GALNT15: variants seen among roughly 807,000 people sequenced by gnomAD.
GALNT15 encodes polypeptide N-acetylgalactosaminyltransferase 15.
GALNT15 carries 67 observed loss-of-function variants against 66.8 expected under a neutral mutation model. The observed-to-expected ratio is 1.00, with a 90% CI of 0.82 to 1.23. The LOEUF (loss-of-function observed/expected upper bound fraction) is 1.23. Among genes scored for constraint, GALNT15 ranks in the 50% most tolerant of loss-of-function variants. The pLI, the probability that GALNT15 is intolerant of heterozygous loss-of-function variation, is 0.00. For synonymous variants in GALNT15, 313 were observed against 311.5 expected, an observed-to-expected ratio of 1.00 and a Z score of -0.05; for missense variants, 827 against 804.3, an observed-to-expected ratio of 1.03 and a Z score of -0.34.
chr3:16,187,866 T>G lies in GALNT15; in HGVS notation c.540-7894T>G, dbSNP rs896902412. ...ATGAAGTGGTGGCTATGATAAATAT[T>G]AATAAGACACCTGCATCACAGGTGC... On this transcript the variant is annotated intron_variant, in intron 1 of 9. Coordinates refer to ENST00000339732, the MANE Select transcript of GALNT15 (RefSeq NM_054110.5). This position sits in a 1 kb window ranked among gnomAD's most constrained non-coding sequence, Gnocchi z 5.1. 6.6e-6 allele frequency among the ~76,000 whole-genome samples: 1 copy of G among 152,162 alleles called. No homozygotes were observed. The highest frequency in any genetic ancestry group is 1.5e-5 in the Non-Finnish European group (1 of 68,024).
Position 16,183,945 on chromosome 3 carries a change from C to A in GALNT15, c.539+8255C>A, listed in dbSNP as rs140034348. Among the ~76,000 whole-genome samples, 97 of 152,286 alleles carry A rather than the reference C, an allele frequency of 6.4e-4. 1 individual carries two copies. The East Asian group carries it at 0.016, about 25-fold the overall frequency. ...GCATCTGTATGTAAACACAAGACAC[C>A]AGACTCCTCTGATCTTGGAGTGTGA... is the stretch of plus-strand genomic sequence containing the variant. On this transcript the variant is annotated intron_variant, in intron 1 of 9. Coordinates refer to ENST00000339732, the MANE Select transcript of GALNT15 (RefSeq NM_054110.5). The surrounding 1 kb of genome is among the most constrained non-coding windows in gnomAD (Gnocchi z 5.2).
At position 16,224,628 on chromosome 3, in the gene GALNT15, T is replaced by G. The variant is rs2063985367; in HGVS notation, c.1773+1870T>G. 8.2e-6 allele frequency among the ~76,000 whole-genome samples: 1 copy of G among 121,580 alleles called. No homozygotes were observed. Among genetic ancestry groups the G allele is most frequent in the African/African-American group, 3.5e-5 (1 of 28,638 alleles). 79.8% of individuals were successfully genotyped at this position (121,580 alleles called of 152,430 possible). On this transcript the variant is annotated intron_variant, in intron 9 of 9. Transcript: ENST00000339732. The surrounding 1 kb of genome is among the most constrained non-coding windows in gnomAD (Gnocchi z 5.2). ...TATATTTAACACTATTGTAGTAGGC[T>G]ATTCTTTTTTTTTTTTTTTTTTTTA... is the stretch of plus-strand genomic sequence containing the variant.
intron 6 of GALNT15, among the ~76,000 whole-genome samples, chr3:16,215,916 A>AAAACAAAAAAAAAAAAAAAAAAAC (rs1553687146): frequency 7.0e-5 from 10 of 143,518 alleles, no homozygotes; most frequent in East Asian, 4.3e-4. Context: ...CAAAAAAAAA[A>AAAACAAAAAAAAAAAAAAAAAAAC]AAAAAAAAAG....
chr3:16,219,400 C>A lies in GALNT15; in HGVS notation c.1393-3C>A. 6.2e-7 allele frequency: 1 copy of A among 1,613,820 alleles called. No homozygotes were observed. ...ATCCTGCTTGTGTCTTTCTCCTCCC[C>A]AGGCTGAGAAGCCAGACTGCATGGA... is the stretch of plus-strand genomic sequence containing the variant. On this transcript the variant is annotated splice_region_variant and splice_polypyrimidine_tract_variant and intron_variant, in intron 6 of 9. Coordinates refer to ENST00000339732, the MANE Select transcript of GALNT15 (RefSeq NM_054110.5). The surrounding 1 kb of genome is among the most constrained non-coding windows in gnomAD (Gnocchi z 4.3).
chr3:16,247,467 A>G, the GALNT15 span, among the ~76,000 whole-genome samples: 20 of 152,332 alleles, frequency 1.3e-4, 1 homozygote, highest in East Asian at 3.7e-3. Flanking sequence ...CCGCAGCCCT[A>G]ATTGGTTAGC....
chr3:16,200,781 C>A lies in GALNT15; in HGVS notation c.869C>A (p.Pro290Gln), dbSNP rs1368967082. ...VFMDAHCECHPGWLEPLLSRI... is the reference protein window; with the variant it reads ...VFMDAHCECHQGWLEPLLSRI... ...ATGGATGCCCACTGCGAGTGCCACC[C>A]AGGCTGGCTGGAGCCCCTCCTCAGC... Residue 290 changes from proline (P) to glutamine (Q), a missense_variant, in exon 3 of 10, where the codon CCA becomes CAA. Coordinates refer to ENST00000339732, the MANE Select transcript of GALNT15 (RefSeq NM_054110.5). The surrounding 1 kb of genome is among the most constrained non-coding windows in gnomAD (Gnocchi z 4.4). 2 of 1,611,238 alleles carry A rather than the reference C, an allele frequency of 1.2e-6. No homozygotes were observed. Among genetic ancestry groups the A allele is most frequent in the Middle Eastern group, 1.7e-4 (1 of 5,864 alleles).
chr3:16,210,554 G>T (rs1015188179), intron 4 of GALNT15, among the ~76,000 whole-genome samples: 12 of 152,268 alleles, frequency 7.9e-5, no homozygotes, highest in African/African-American at 2.2e-4. Context: ...GGGATATTAT[G>T]ATCTTAATTC....
Position 16,191,662 on chromosome 3 carries a change from C to A in GALNT15, c.540-4098C>A, listed in dbSNP as rs143481987. ...TAACTAGCAGAGATGGAAGCTCTCA[C>A]ATCTCCTTACTTTGAGTAATATGCA... On this transcript the variant is annotated intron_variant, in intron 1 of 9. Transcript: ENST00000339732. The surrounding 1 kb of genome is among the most constrained non-coding windows in gnomAD (Gnocchi z 5.2). 5.3e-5 allele frequency among the ~76,000 whole-genome samples: 8 copies of A among 152,356 alleles called. No homozygotes were observed. The highest frequency in any genetic ancestry group is 3.9e-4 in the Admixed American group (6 of 15,304).
rs9818131 is a variant in GALNT15, at chr3:16,183,976, T to A, written c.539+8286T>A. ...CCTCTGATCTTGGAGTGTGAAGATA[T>A]AAAGCTAGCCTGCAGAACAGCTCTC... On this transcript the variant is annotated intron_variant, in intron 1 of 9. Transcript: ENST00000339732. The surrounding 1 kb of genome is among the most constrained non-coding windows in gnomAD (Gnocchi z 5.2). Among the ~76,000 whole-genome samples the A allele has an allele frequency of 0.046, 7,079 of 152,270 alleles. 548 individuals carry two copies. Among genetic ancestry groups the A allele is most frequent in the African/African-American group, 0.16 (6,642 of 41,516 alleles).
chr3:16,193,506 G>A lies in GALNT15; in HGVS notation c.540-2254G>A, dbSNP rs1241819130. On this transcript the variant is annotated intron_variant, in intron 1 of 9. Coordinates refer to ENST00000339732, the MANE Select transcript of GALNT15 (RefSeq NM_054110.5). The surrounding 1 kb of genome is among the most constrained non-coding windows in gnomAD (Gnocchi z 4.7). The stretch of plus-strand genomic sequence containing the variant: ...ATTAGCTCCTTTATGAGATGTTTAT[G>A]TGTTTTTAAAAATTATTTAGGAATT... Among the ~76,000 whole-genome samples the A allele has an allele frequency of 6.6e-6, 1 of 152,108 alleles. No individual in the cohort carries two copies. The highest frequency in any genetic ancestry group is 2.4e-5 in the African/African-American group (1 of 41,432).
chr3:16,201,681 G>A (rs536978771), intron 3 of GALNT15, among the ~76,000 whole-genome samples: 1 of 152,186 alleles, frequency 6.6e-6, no homozygotes, highest in African/African-American at 2.4e-5. Flanking sequence ...TGAAGTTGGA[G>A]AGGACTGCAT....
chr3:16,230,305 T>A (rs1019467293), downstream of GALNT15, among the ~76,000 whole-genome samples: 1 of 152,184 alleles, frequency 6.6e-6, no homozygotes, highest in Non-Finnish European at 1.5e-5. This position sits in a 1 kb window ranked among gnomAD's most constrained non-coding sequence, Gnocchi z 4.5. Context: ...CCTGACCTGT[T>A]TCCTCTTTGG....
intron 3 of GALNT15, among the ~76,000 whole-genome samples, chr3:16,202,587 C>T (rs916837988): frequency 3.9e-5 from 6 of 152,324 alleles, no homozygotes; most frequent in East Asian, 3.9e-4. Context: ...GAGCCAAGAT[C>T]GTGCTACTGC....
chr3:16,228,093 C>G lies in GALNT15; in HGVS notation c.*593C>G, dbSNP rs1363513129. 9.1e-6 allele frequency: 9 copies of G among 985,944 alleles called. No individual in the cohort carries two copies. The East Asian group carries it at 9.1e-4, about 99-fold the overall frequency. The allele number at this position is 985,944 out of a possible 1,614,324, so 61.1% of individuals were successfully genotyped here. Reference sequence around the variant, plus strand: ...TGCAAGAGCACTTTGGCCCAATTCTCCAGCTCAACCCAGCAGCTGAAAAGC... The same window carrying G: ...TGCAAGAGCACTTTGGCCCAATTCTGCAGCTCAACCCAGCAGCTGAAAAGC... On this transcript the variant is annotated 3_prime_UTR_variant, in exon 10 of 10. Transcript: ENST00000339732.
intron 1 of GALNT15, among the ~76,000 whole-genome samples, chr3:16,190,851 G>A (rs1445047636): frequency 6.6e-6 from 1 of 152,126 alleles, no homozygotes; most frequent in East Asian, 1.9e-4. Context: ...TTATTTCCAC[G>A]GTGATTTTCA....
rs1198929810 is a variant in GALNT15, at chr3:16,180,320, C to A, written c.539+4630C>A. ...TGCTCCTCAAACTTTAAGGTGCATG[C>A]GAATCTTCTAGGCATCCTGTTAAAA... On this transcript the variant is annotated intron_variant, in intron 1 of 9. Transcript: ENST00000339732. The surrounding 1 kb of genome is among the most constrained non-coding windows in gnomAD (Gnocchi z 5.0). Among the ~76,000 whole-genome samples the A allele has an allele frequency of 1.3e-4, 20 of 152,156 alleles. No individual in the cohort carries two copies. Among genetic ancestry groups the A allele is most frequent in the Admixed American group, 1.2e-3 (19 of 15,274 alleles).
intron 6 of GALNT15, among the ~76,000 whole-genome samples, chr3:16,217,038 A>G (rs969532540): frequency 2.6e-5 from 4 of 152,174 alleles, no homozygotes; most frequent in Non-Finnish European, 5.9e-5. Context: ...GGGTCGGGGA[A>G]AATCCTCTCC....
the GALNT15 span, among the ~76,000 whole-genome samples, chr3:16,243,642 T>A: frequency 6.6e-6 from 1 of 152,010 alleles, no homozygotes; most frequent in Non-Finnish European, 1.5e-5. Flanking sequence ...TCTCAGGAGG[T>A]CAGGGCTTGG....
rs2063393896 is a variant in GALNT15, at chr3:16,175,367, G to A, written c.216G>A (p.Glu72=). Residue 72 remains glutamate (E), a synonymous_variant, in exon 1 of 10, where the codon GAG becomes GAA. Coordinates refer to ENST00000339732, the MANE Select transcript of GALNT15 (RefSeq NM_054110.5). The surrounding 1 kb of genome is among the most constrained non-coding windows in gnomAD (Gnocchi z 5.6). ...CCCAGGATTGGGTACTGGAAGCTGA[G>A]GATGAGGGTGAAGAGTACAGCCCTC... The part of the protein sequence containing the change: ...GESQDWVLEA[E]DEGEEYSPLE... The A allele has an allele frequency of 6.2e-7, 1 of 1,614,208 alleles. No individual in the cohort carries two copies. The highest frequency in any genetic ancestry group is 2.2e-5 in the East Asian group (1 of 44,874).
Sources: gnomAD v4.1 joint callset for allele counts (sites outside exome capture counted in the v4.1 genomes callset) on GRCh38, gnomAD v4.1.1 for gene constraint, Gnocchi (gnomAD v3.1) non-coding constraint, MANE v1.5 for transcripts, NCBI Gene and HGNC (gene_info 2026-07-23, HGNC 2026-07-21) for gene names.